FHOD3: variants seen among roughly 807,000 people sequenced by gnomAD.
The protein encoded by FHOD3 is FH1/FH2 domain-containing protein 3.
FHOD3 carries 90 observed loss-of-function variants against 173.0 expected under a neutral mutation model. That is an observed-to-expected ratio of 0.52 (90% CI 0.44 to 0.62). The LOEUF (loss-of-function observed/expected upper bound fraction) is 0.62. Among genes scored for constraint, FHOD3 ranks in the 20% least tolerant of loss-of-function variants. FHOD3 has a pLI of 0.00. For missense variants in FHOD3, 1,945 were observed against 2,034.7 expected (o/e 0.96, Z 0.85); for synonymous variants, 828 against 823.0 (o/e 1.01, Z -0.10).
intron 3 of FHOD3, among the ~76,000 whole-genome samples, chr18:36,425,250 A>G (rs563499887): frequency 1.3e-5 from 2 of 152,342 alleles, no homozygotes; most frequent in Non-Finnish European, 2.9e-5. Flanking sequence ...AAACTTTATC[A>G]TAAGTATGCA....
At chr18:36,550,247 T>C (rs1486197849) in intron 5 of FHOD3, among the ~76,000 whole-genome samples, 2 of 146,330 alleles carry the variant, frequency 1.4e-5, no homozygotes, top group Non-Finnish European at 3.0e-5. Flanking sequence ...GTAGACCATA[T>C]ATATATATAT....
chr18:36,385,058 G>A (rs1292784144), intron 3 of FHOD3, among the ~76,000 whole-genome samples: 1 of 152,222 alleles, frequency 6.6e-6, no homozygotes, highest in African/African-American at 2.4e-5. Context: ...GGACTGAAAT[G>A]TATATCTTGC....
intron 3 of FHOD3, among the ~76,000 whole-genome samples, chr18:36,439,521 A>G (rs936661045): frequency 4.1e-5 from 6 of 144,830 alleles, no homozygotes; most frequent in South Asian, 4.6e-4. Context: ...AACCAATAGA[A>G]TGTGTGTGTG....
chr18:36,500,916 G>T (rs890515682), intron 3 of FHOD3, among the ~76,000 whole-genome samples: 1 of 152,196 alleles, frequency 6.6e-6, no homozygotes, highest in Non-Finnish European at 1.5e-5. Context: ...AAGTGTGGGT[G>T]CTGGGAGGCT....
chr18:36,584,325 G>C (rs2058955206), intron 6 of FHOD3, among the ~76,000 whole-genome samples: 1 of 152,112 alleles, frequency 6.6e-6, no homozygotes, highest in Non-Finnish European at 1.5e-5. Flanking sequence ...AAGATTGTTT[G>C]TCTCTCTCTT....
intron 3 of FHOD3, among the ~76,000 whole-genome samples, chr18:36,448,996 C>T (rs1294155384): frequency 1.3e-5 from 2 of 151,760 alleles, no homozygotes; most frequent in East Asian, 3.9e-4. Flanking sequence ...TTCTCGGTGT[C>T]CCCTTTATCT....
intron 1 of FHOD3, among the ~76,000 whole-genome samples, chr18:36,316,556 A>C (rs1829204390): frequency 6.6e-6 from 1 of 152,176 alleles, no homozygotes; most frequent in Non-Finnish European, 1.5e-5. Flanking sequence ...GTCATTATTG[A>C]TTGAAGGGCC....
At chr18:36,675,084 C>T (rs887746971) in intron 14 of FHOD3, among the ~76,000 whole-genome samples, 14 of 152,112 alleles carry the variant, frequency 9.2e-5, no homozygotes, top group Admixed American at 3.3e-4. Context: ...GAAGAACTGC[C>T]GTGATTGTCA....
At chr18:36,365,893 C>G (rs2046875809) in intron 2 of FHOD3, among the ~76,000 whole-genome samples, 1 of 152,166 alleles carries the variant, frequency 6.6e-6, no homozygotes, top group Admixed American at 6.5e-5. Flanking sequence ...GAGAACCAGA[C>G]TGGCCTCTCT....
chr18:36,389,474 C>A (rs544861252), intron 3 of FHOD3, among the ~76,000 whole-genome samples: 1 of 152,278 alleles, frequency 6.6e-6, no homozygotes, highest in East Asian at 1.9e-4. Context: ...GTCCTAGAAT[C>A]CATTCTTTTC....
chr18:36,717,719 G>A lies in FHOD3; in HGVS notation c.2534-113G>A. The A allele has an allele frequency of 2.0e-6, 3 of 1,466,056 alleles. No homozygotes were observed. The South Asian group carries it at 4.8e-5, about 23-fold the overall frequency. The allele number at this position is 1,466,056 out of a possible 1,614,324, so 90.8% of individuals were successfully genotyped here. A position where few individuals can be genotyped will look rare whatever the true frequency, so the allele number is the denominator to read the frequency against. ...AGCCACGGCTTTGACTGCTCATGCAGTGTCTTCTCTGAAGTCACTCCCATG... is the reference window on the plus strand; with the variant it reads ...AGCCACGGCTTTGACTGCTCATGCAATGTCTTCTCTGAAGTCACTCCCATG... On this transcript the variant is annotated intron_variant, in intron 18 of 28. Coordinates refer to ENST00000590592, the MANE Select transcript of FHOD3 (RefSeq NM_001281740.3).
chr18:36,601,923 C>T (rs965010828), intron 7 of FHOD3, among the ~76,000 whole-genome samples: 2 of 152,134 alleles, frequency 1.3e-5, no homozygotes, highest in Admixed American at 6.6e-5. Flanking sequence ...TGGAAATAAC[C>T]ACCCATAAGC....
chr18:36,745,537 C>T (rs1431752285), intron 23 of FHOD3, among the ~76,000 whole-genome samples: 3 of 152,076 alleles, frequency 2.0e-5, no homozygotes, highest in African/African-American at 4.8e-5. Context: ...TCCACCTTTG[C>T]GAACTCTTTC....
chr18:36,390,054 G>C (rs1052223644), intron 3 of FHOD3, among the ~76,000 whole-genome samples: 11 of 152,136 alleles, frequency 7.2e-5, no homozygotes, highest in African/African-American at 2.7e-4. Flanking sequence ...AATCCAGGAG[G>C]CAAAAATCAG....
intron 1 of FHOD3, among the ~76,000 whole-genome samples, chr18:36,309,598 G>A (rs986815879): frequency 3.3e-5 from 5 of 152,312 alleles, no homozygotes; most frequent in South Asian, 2.1e-4. Flanking sequence ...ACCAGACACC[G>A]GCAGTCCGGG....
At chr18:36,602,810 A>G (rs745952857) in intron 8 of FHOD3, 42 bp downstream of exon 8, 2 of 1,457,562 alleles carry the variant, frequency 1.4e-6, no homozygotes, top group Non-Finnish European at 1.9e-6. Context: ...TCACCTAAAA[A>G]GATATGTTAA....
intron 1 of FHOD3, among the ~76,000 whole-genome samples, chr18:36,350,351 C>T (rs1219761090): frequency 1.3e-5 from 2 of 152,188 alleles, no homozygotes; most frequent in African/African-American, 2.4e-5. Context: ...TCTGTGTGAG[C>T]CTGCAACCCA....
chr18:36,614,840 A>ATTTTTTTT (rs751719654), intron 9 of FHOD3, among the ~76,000 whole-genome samples: 13 of 86,176 alleles, frequency 1.5e-4, no homozygotes, highest in African/African-American at 1.4e-4. Flanking sequence ...TTTTTAATTG[A>ATTTTTTTT]TTTTTTTTTT....
chr18:36,614,049 A>C (rs1300707539), intron 9 of FHOD3, among the ~76,000 whole-genome samples: 2 of 152,108 alleles, frequency 1.3e-5, no homozygotes, highest in African/African-American at 4.8e-5. Context: ...AAAGTGTACA[A>C]TTTAATGGTT....
Sources: allele counts gnomAD v4.1 joint callset (sites outside exome capture counted in the v4.1 genomes callset), GRCh38; gene constraint gnomAD v4.1.1; transcripts MANE v1.5; gene names NCBI Gene and HGNC (gene_info 2026-07-23, HGNC 2026-07-21).